Variants in ZNF536 observed in about 807,000 individuals in gnomAD.
ZNF536 encodes zinc finger protein 536.
In ZNF536, 13 loss-of-function variants were observed where a neutral mutation model predicts 84.5. That is an observed-to-expected ratio of 0.15 (90% CI 0.10 to 0.24). The LOEUF (loss-of-function observed/expected upper bound fraction) is 0.24. Ranked by LOEUF, ZNF536 falls within the 10% of genes least tolerant of loss-of-function variation. The pLI, the probability that ZNF536 is intolerant of heterozygous loss-of-function variation, is 1.00. For missense variants in ZNF536, 1,536 were observed against 1,747.5 expected (o/e 0.88, Z 2.16); for synonymous variants, 811 against 742.5 (o/e 1.09, Z -1.50).
Position 30,334,546 on chromosome 19 carries a change from A to G in ZNF536, c.-119-17822A>G, listed in dbSNP as rs1017033410. Among the ~76,000 whole-genome samples, 8 of 152,072 alleles carry G rather than the reference A, an allele frequency of 5.3e-5. No individual in the cohort carries two copies. In the East Asian group the frequency reaches 1.4e-3, roughly 26 times the overall value. On this transcript the variant is annotated intron_variant, in intron 2 of 5. Coordinates refer to the ZNF536 transcript ENST00000585628. ...TCTCCACCCATCGCTGGGAGCCCAC[A>G]TTTTCCCTCCATGACACAATTTGAA...
intron 1 of ZNF536, among the ~76,000 whole-genome samples, chr19:30,375,035 A>C (rs1415950815): frequency 6.6e-6 from 1 of 151,644 alleles, no homozygotes; most frequent in Non-Finnish European, 1.5e-5. Context: ...AGGTGAGGGG[A>C]AATGGGACAT....
intron 4 of ZNF536, among the ~76,000 whole-genome samples, chr19:30,552,691 G>T (rs2045826454): frequency 6.6e-6 from 1 of 152,184 alleles, no homozygotes; most frequent in Non-Finnish European, 1.5e-5. Context: ...CCTGGCCAGT[G>T]TGCCCTGCCC....
intron 1 of ZNF536, among the ~76,000 whole-genome samples, chr19:30,271,801 T>G (rs1350161572): frequency 6.6e-6 from 1 of 152,182 alleles, no homozygotes; most frequent in South Asian, 2.1e-4. Context: ...TTGCCCTATG[T>G]GTCCTAGGAG....
At chr19:30,294,699 A>G (rs2045945327) in intron 2 of ZNF536, among the ~76,000 whole-genome samples, 1 of 152,148 alleles carries the variant, frequency 6.6e-6, no homozygotes, top group African/African-American at 2.4e-5. Context: ...CAGACTCCCT[A>G]GAGAAGGTTT....
chr19:30,695,466 G>A (rs1206877833), intron 1 of ZNF536, among the ~76,000 whole-genome samples: 3 of 152,200 alleles, frequency 2.0e-5, no homozygotes, highest in Admixed American at 1.3e-4. Context: ...CCACAGATAA[G>A]TGGAGCTCTG....
chr19:30,407,058 A>G (rs879380415), intron 1 of ZNF536, among the ~76,000 whole-genome samples: 2 of 151,964 alleles, frequency 1.3e-5, no homozygotes, highest in African/African-American at 2.4e-5. Context: ...TGTGCCTGTT[A>G]CTTTGCTCAC....
intron 1 of ZNF536, among the ~76,000 whole-genome samples, chr19:30,679,591 G>C (rs2050887964): frequency 6.6e-6 from 1 of 152,174 alleles, no homozygotes; most frequent in African/African-American, 2.4e-5. Context: ...ACATCCAGGA[G>C]GCAGAGCCCT....
chr19:30,481,696 T>C (rs1334208314), intron 2 of ZNF536, among the ~76,000 whole-genome samples: 2 of 152,194 alleles, frequency 1.3e-5, no homozygotes. Flanking sequence ...TTTCTATAGT[T>C]TTTGGGGAAC....
At chr19:30,687,201 T>C (rs2051225258) in intron 1 of ZNF536, among the ~76,000 whole-genome samples, 1 of 152,178 alleles carries the variant, frequency 6.6e-6, no homozygotes, top group South Asian at 2.1e-4. Flanking sequence ...CTTTATTTCA[T>C]CCTCTTTTTG....
intron 1 of ZNF536, among the ~76,000 whole-genome samples, chr19:30,565,908 T>A (rs193262721): frequency 1.3e-5 from 2 of 152,148 alleles, no homozygotes; most frequent in South Asian, 4.1e-4. Flanking sequence ...CCGAACCTGA[T>A]AGCCCATCTC....
Position 30,682,614 on chromosome 19 carries a change from C to A in ZNF536, c.170-28143C>A, listed in dbSNP as rs551600112. On this transcript the variant is annotated intron_variant, in intron 1 of 1. Transcript: ENST00000592773. ...AATATTAAGTAACGTTGGCAGGGGG[C>A]AGCTCACGGTCCCTCCTGACGCTGC... is the stretch of plus-strand genomic sequence containing the variant. 1.8e-4 allele frequency among the ~76,000 whole-genome samples: 27 copies of A among 152,318 alleles called. 1 individual carries two copies. The South Asian group carries it at 5.0e-3, about 28-fold the overall frequency.
At chr19:30,458,843 C>G (rs2052997596) in intron 2 of ZNF536, among the ~76,000 whole-genome samples, 1 of 152,230 alleles carries the variant, frequency 6.6e-6, no homozygotes, top group Admixed American at 6.5e-5. Context: ...TCTCTTCTAT[C>G]TCATTTCCCG....
intron 2 of ZNF536, among the ~76,000 whole-genome samples, chr19:30,473,770 C>G (rs1227321649): frequency 6.6e-6 from 1 of 152,194 alleles, no homozygotes; most frequent in Non-Finnish European, 1.5e-5. Flanking sequence ...GAAAATTAAC[C>G]CCCTGCCCTT....
intron 1 of ZNF536, among the ~76,000 whole-genome samples, chr19:30,405,937 C>T (rs1454445669): frequency 6.6e-6 from 1 of 152,116 alleles, no homozygotes; most frequent in Non-Finnish European, 1.5e-5. Context: ...GCCAACACAC[C>T]CAGATAATTT....
intron 1 of ZNF536, among the ~76,000 whole-genome samples, chr19:30,250,457 G>A (rs1159641189): frequency 6.6e-6 from 1 of 152,146 alleles, no homozygotes; most frequent in Non-Finnish European, 1.5e-5. Context: ...TCGGGTGTTG[G>A]GGCAGGTCTC....
rs528448900 is a variant in ZNF536 at position 30,570,987 on chromosome 19, C to A, written c.169+21473C>A. Reference sequence around the variant, plus strand: ...TCTGGACAGGTGGTCAGCTGCCCCCCAGCTCCTCAAAGGAAGATAAGTGGG... The same window carrying A: ...TCTGGACAGGTGGTCAGCTGCCCCCAAGCTCCTCAAAGGAAGATAAGTGGG... On this transcript the variant is annotated intron_variant, in intron 1 of 1. Coordinates refer to the ZNF536 transcript ENST00000592773. 2.6e-4 allele frequency among the ~76,000 whole-genome samples: 40 copies of A among 152,278 alleles called. No individual in the cohort carries two copies. In the South Asian group the frequency reaches 6.6e-3, roughly 25 times the overall value.
intron 3 of ZNF536, among the ~76,000 whole-genome samples, chr19:30,538,996 C>A (rs2045207868): frequency 6.6e-6 from 1 of 151,174 alleles, no homozygotes; most frequent in Non-Finnish European, 1.5e-5. Context: ...TTGTTTGAGC[C>A]CAGGAGTTCA....
intron 1 of ZNF536, among the ~76,000 whole-genome samples, chr19:30,244,167 C>G (rs1240560993): frequency 6.6e-6 from 1 of 152,146 alleles, no homozygotes; most frequent in Non-Finnish European, 1.5e-5. Flanking sequence ...CTCTTATTGA[C>G]TGGGGCCACG....
At position 30,406,023 on chromosome 19, in the gene ZNF536, C is replaced by T. The variant is rs550836765; in HGVS notation, c.-3+33467C>T. Among the ~76,000 whole-genome samples the T allele has an allele frequency of 5.9e-5, 9 of 152,326 alleles. No homozygotes were observed. The South Asian group carries it at 1.9e-3, about 32-fold the overall frequency. On this transcript the variant is annotated intron_variant, in intron 1 of 4. Coordinates refer to ENST00000355537, the MANE Select transcript of ZNF536 (RefSeq NM_014717.3). ...AACTCCTGACCTCAGGAGATCCACCCACCTTGGCCTCCCAAAGTGGTGGGA... is the reference window on the plus strand; with the variant it reads ...AACTCCTGACCTCAGGAGATCCACCTACCTTGGCCTCCCAAAGTGGTGGGA...
Sources: gnomAD v4.1 joint callset for allele counts (sites outside exome capture counted in the v4.1 genomes callset) on GRCh38, gnomAD v4.1.1 for gene constraint, MANE v1.5 for transcripts, NCBI Gene and HGNC (gene_info 2026-07-23, HGNC 2026-07-21) for gene names.